The following CD226 variants were observed in gnomAD, a reference collection of about 807,000 sequenced individuals.
CD226 encodes CD226 molecule, also known as CD226 antigen.
In CD226, 24 loss-of-function variants were observed where a neutral mutation model predicts 34.9. The observed-to-expected ratio is 0.69, with a 90% CI of 0.50 to 0.97. CD226 has a LOEUF of 0.97. CD226 is among the 50% of genes least tolerant of loss of function. CD226 has a pLI of 0.00. For missense variants in CD226, 397 were observed against 412.7 expected (o/e 0.96, Z 0.33); for synonymous variants, 148 against 147.4 (o/e 1.00, Z -0.03).
upstream of CD226, among the ~76,000 whole-genome samples, chr18:69,960,306 T>TA (rs954837229): frequency 2.0e-5 from 3 of 150,114 alleles, no homozygotes; most frequent in Non-Finnish European, 4.4e-5. Context: ...AAGACTGAGT[T>TA]AAAGGACACT....
chr18:69,959,872 C>T (rs924471444), upstream of CD226, among the ~76,000 whole-genome samples: 5 of 152,074 alleles, frequency 3.3e-5, no homozygotes, highest in African/African-American at 7.2e-5. Flanking sequence ...AAGAAAGCAG[C>T]GCCACCTAGG....
intron 3 of CD226, among the ~76,000 whole-genome samples, chr18:69,893,169 C>T (rs1251096434): frequency 6.6e-6 from 1 of 152,158 alleles, no homozygotes; most frequent in Non-Finnish European, 1.5e-5. Context: ...TAACTTTTTA[C>T]TAATGGATAC....
At chr18:69,891,584 A>T (rs1223549831) in intron 3 of CD226, among the ~76,000 whole-genome samples, 3 of 152,196 alleles carry the variant, frequency 2.0e-5, no homozygotes, top group African/African-American at 7.2e-5. Flanking sequence ...TATGTATAAA[A>T]CCCTAAAAGT....
intron 4 of CD226, among the ~76,000 whole-genome samples, chr18:69,870,785 A>G (rs1305394010): frequency 6.6e-6 from 1 of 152,224 alleles, no homozygotes; most frequent in African/African-American, 2.4e-5. Flanking sequence ...GTTGGCTTCT[A>G]TCCAAGTCAA....
chr18:69,945,298 A>G (rs543059634), intron 2 of CD226, among the ~76,000 whole-genome samples: 2 of 152,320 alleles, frequency 1.3e-5, no homozygotes, highest in East Asian at 1.9e-4. Context: ...GAATGGCACT[A>G]CCAACCCCAT....
chr18:69,942,978 C>T (rs556035575), intron 2 of CD226, among the ~76,000 whole-genome samples: 23 of 152,296 alleles, frequency 1.5e-4, no homozygotes, highest in African/African-American at 5.5e-4. Context: ...CTACCATGGC[C>T]CTCCCTGGTT....
At chr18:69,878,782 G>A (rs1252017075) in intron 3 of CD226, among the ~76,000 whole-genome samples, 1 of 152,144 alleles carries the variant, frequency 6.6e-6, no homozygotes, top group African/African-American at 2.4e-5. Context: ...TCCTCACCAT[G>A]TCTTCTCCCA....
chr18:69,899,775 A>T (rs1387907002), intron 2 of CD226, among the ~76,000 whole-genome samples: 1 of 152,228 alleles, frequency 6.6e-6, no homozygotes, highest in African/African-American at 2.4e-5. Flanking sequence ...AAGGCAAAAC[A>T]TTACAGATGC....
intron 3 of CD226, among the ~76,000 whole-genome samples, chr18:69,874,151 G>C (rs1024405593): frequency 5.9e-5 from 9 of 152,122 alleles, no homozygotes; most frequent in African/African-American, 2.2e-4. Flanking sequence ...CTGTGGATGT[G>C]TCTCTTCATT....
At chr18:69,884,539 T>C (rs1468217329) in intron 3 of CD226, among the ~76,000 whole-genome samples, 4 of 152,216 alleles carry the variant, frequency 2.6e-5, no homozygotes, top group Non-Finnish European at 5.9e-5. Flanking sequence ...CAGCTTTTGA[T>C]GGAGAAATGT....
At chr18:69,914,218 C>T (rs2055359145) in intron 2 of CD226, among the ~76,000 whole-genome samples, 1 of 152,192 alleles carries the variant, frequency 6.6e-6, no homozygotes, top group East Asian at 1.9e-4. Context: ...ACCTGCAAAA[C>T]TACTCTACGA....
At chr18:69,866,992 C>T (rs1207072804) in intron 5 of CD226, among the ~76,000 whole-genome samples, 1 of 152,158 alleles carries the variant, frequency 6.6e-6, no homozygotes, top group Non-Finnish European at 1.5e-5. Flanking sequence ...GTTTCTTGTA[C>T]TTCAACCCTC....
chr18:69,924,692 CA>C (rs56118102), intron 2 of CD226, among the ~76,000 whole-genome samples: 1,725 of 57,076 alleles, frequency 0.03, 15 homozygotes, highest in South Asian at 0.082. Flanking sequence ...AAGGTATTGC[CA>C]AAAAAAAAAA....
rs1260370567 is a variant in CD226, at chr18:69,924,087, C to G, written c.382+22647G>C. Among the ~76,000 whole-genome samples, 5 of 152,182 alleles carry G rather than the reference C, an allele frequency of 3.3e-5. No individual in the cohort carries two copies. In the East Asian group the frequency reaches 5.8e-4, roughly 18 times the overall value. On this transcript the variant is annotated intron_variant, in intron 2 of 5. Coordinates refer to ENST00000582621, the MANE Select transcript of CD226 (RefSeq NM_001303618.2). Reference sequence around the variant, plus strand: ...GCAACTGCCAACAGAAACCTCAACACTTTACAAGGGAGAAACGAGCTTCTT... The same window carrying G: ...GCAACTGCCAACAGAAACCTCAACAGTTTACAAGGGAGAAACGAGCTTCTT...
intron 1 of CD226, among the ~76,000 whole-genome samples, chr18:69,955,233 G>A (rs571522947): frequency 6.6e-6 from 1 of 152,226 alleles, no homozygotes; most frequent in East Asian, 1.9e-4. Context: ...CCTACAATAT[G>A]TCCTGCTTCC....
chr18:69,926,524 A>G (rs2055524012), intron 2 of CD226, among the ~76,000 whole-genome samples: 1 of 152,170 alleles, frequency 6.6e-6, no homozygotes, highest in African/African-American at 2.4e-5. Context: ...GGCAGGAGCT[A>G]TAATATCTCA....
At chr18:69,876,579 C>T (rs1983874787) in intron 3 of CD226, among the ~76,000 whole-genome samples, 1 of 152,128 alleles carries the variant, frequency 6.6e-6, no homozygotes, top group Admixed American at 6.5e-5. Flanking sequence ...ACAAGTTTGA[C>T]ACCTGTGTAG....
At chr18:69,927,802 T>G (rs972075298) in intron 2 of CD226, among the ~76,000 whole-genome samples, 3 of 152,264 alleles carry the variant, frequency 2.0e-5, no homozygotes, top group African/African-American at 7.2e-5. Flanking sequence ...AGATATACAC[T>G]GTAGATATTC....
At chr18:69,937,074 G>A (rs532062408) in intron 2 of CD226, among the ~76,000 whole-genome samples, 70 of 152,338 alleles carry the variant, frequency 4.6e-4, no homozygotes, top group African/African-American at 1.6e-3. Context: ...CGAAATGAAA[G>A]TGTGCAAATA....
Sources: gnomAD v4.1 joint callset for allele counts (sites outside exome capture counted in the v4.1 genomes callset) on GRCh38, gnomAD v4.1.1 for gene constraint, MANE v1.5 for transcripts, NCBI Gene and HGNC (gene_info 2026-07-23, HGNC 2026-07-21) for gene names.